Variants in CDH13 observed in about 807,000 individuals in gnomAD.
The protein encoded by CDH13 is cadherin 13, also known as cadherin-13.
A neutral mutation model predicts 63.8 loss-of-function variants in CDH13; 24 were observed. The observed-to-expected ratio is 0.38, with a 90% CI of 0.27 to 0.53. The LOEUF is 0.53. Ranked by LOEUF, CDH13 falls within the 20% of genes least tolerant of loss-of-function variation. The pLI is 0.85. For synonymous variants in CDH13, 503 were observed against 355.3 expected (o/e 1.42, Z -4.67); for missense variants, 1,049 against 903.1 (o/e 1.16, Z -2.07).
At chr16:83,332,713 G>A (rs116487646) in intron 5 of CDH13, among the ~76,000 whole-genome samples, 2,540 of 152,210 alleles carry the variant, frequency 0.017, 67 homozygotes, top group African/African-American at 0.054. Flanking sequence ...TTTTTAGCCT[G>A]TGTCACCTCT....
chr16:82,966,403 TC>T (rs1207692529), intron 2 of CDH13, among the ~76,000 whole-genome samples: 1 of 152,174 alleles, frequency 6.6e-6, no homozygotes, highest in African/African-American at 2.4e-5. Context: ...CACCTCCGCC[TC>T]CCAAAGTGTT....
intron 10 of CDH13, among the ~76,000 whole-genome samples, chr16:83,684,549 A>G (rs1305524495): frequency 1.3e-5 from 2 of 152,208 alleles, no homozygotes; most frequent in African/African-American, 4.8e-5. Flanking sequence ...GGGAGGACTC[A>G]CTTCTTTCTC....
chr16:83,356,977 T>A (rs1325387709), intron 6 of CDH13, among the ~76,000 whole-genome samples: 1 of 152,214 alleles, frequency 6.6e-6, no homozygotes, highest in East Asian at 1.9e-4. Context: ...TGCTCCAGTT[T>A]TCCACTTTTC....
intron 6 of CDH13, among the ~76,000 whole-genome samples, chr16:83,392,785 G>T (rs1395964668): frequency 6.6e-6 from 1 of 152,136 alleles, no homozygotes; most frequent in Non-Finnish European, 1.5e-5. Context: ...AAATTATGCG[G>T]TGCCATCTTT....
intron 5 of CDH13, among the ~76,000 whole-genome samples, chr16:83,250,584 C>T (rs996790588): frequency 2.6e-5 from 4 of 151,878 alleles, no homozygotes; most frequent in Non-Finnish European, 5.9e-5. Context: ...CGCACCCAGT[C>T]GAGGGAACAG....
chr16:83,265,197 T>A (rs1209199813), intron 5 of CDH13, among the ~76,000 whole-genome samples: 1 of 152,210 alleles, frequency 6.6e-6, no homozygotes, highest in East Asian at 1.9e-4. Context: ...AGTTTCTTCC[T>A]CTAAGCCTGC....
At chr16:83,221,279 C>T (rs776196880) in intron 5 of CDH13, among the ~76,000 whole-genome samples, 31 of 152,216 alleles carry the variant, frequency 2.0e-4, no homozygotes, top group South Asian at 4.1e-4. Context: ...CATCCATTTC[C>T]GTGACCCACT....
intron 1 of CDH13, among the ~76,000 whole-genome samples, chr16:82,833,651 A>C (rs2038641509): frequency 6.6e-6 from 1 of 152,178 alleles, no homozygotes; most frequent in African/African-American, 2.4e-5. Flanking sequence ...CCATCTGTCC[A>C]GGTAATAGCC....
intron 7 of CDH13, among the ~76,000 whole-genome samples, chr16:83,588,078 C>T (rs531904117): frequency 6.6e-6 from 1 of 152,266 alleles, no homozygotes; most frequent in Admixed American, 6.5e-5. Flanking sequence ...GAGCCTGGGG[C>T]TGGGACCAGC....
chr16:82,898,123 T>A (rs963033625), intron 2 of CDH13, among the ~76,000 whole-genome samples: 1 of 152,284 alleles, frequency 6.6e-6, no homozygotes, highest in Non-Finnish European at 1.5e-5. Flanking sequence ...TTATACTGAT[T>A]ACATATTAAA....
chr16:83,073,722 C>T (rs199874499), intron 3 of CDH13, among the ~76,000 whole-genome samples: 2 of 151,846 alleles, frequency 1.3e-5, no homozygotes, highest in Non-Finnish European at 2.9e-5. Flanking sequence ...AAGATATGAT[C>T]ATATATTTAA....
At chr16:82,860,199 A>C (rs1402892499) in intron 2 of CDH13, among the ~76,000 whole-genome samples, 1 of 152,078 alleles carries the variant, frequency 6.6e-6, no homozygotes, top group African/African-American at 2.4e-5. Flanking sequence ...AGCGACCCTG[A>C]GTATGGAAAT....
chr16:83,326,239 C>T (rs2090357842), intron 5 of CDH13, among the ~76,000 whole-genome samples: 1 of 152,066 alleles, frequency 6.6e-6, no homozygotes, highest in South Asian at 2.1e-4. Context: ...TTTATTCTTC[C>T]TGGAAATTTC....
At chr16:83,579,083 T>C (rs533491014) in intron 7 of CDH13, among the ~76,000 whole-genome samples, 1 of 152,322 alleles carries the variant, frequency 6.6e-6, no homozygotes, top group Non-Finnish European at 1.5e-5. Context: ...AAAGACAGTG[T>C]TATAAACACA....
intron 2 of CDH13, among the ~76,000 whole-genome samples, chr16:82,985,476 C>A (rs776964487): frequency 3.9e-5 from 6 of 152,150 alleles, no homozygotes; most frequent in Non-Finnish European, 8.8e-5. Flanking sequence ...CAACTGTATT[C>A]ATTAGACATA....
At chr16:82,713,820 A>C (rs1031992846) in intron 1 of CDH13, among the ~76,000 whole-genome samples, 3 of 146,914 alleles carry the variant, frequency 2.0e-5, no homozygotes, top group Non-Finnish European at 3.0e-5. Context: ...AAAAAAACAA[A>C]CAAAAAAAAA....
chr16:82,667,164 A>G (rs1246333715), intron 1 of CDH13, among the ~76,000 whole-genome samples: 1 of 152,156 alleles, frequency 6.6e-6, no homozygotes, highest in Non-Finnish European at 1.5e-5. Context: ...TGGAGCAGGA[A>G]TGCAGCAGTA....
intron 7 of CDH13, among the ~76,000 whole-genome samples, chr16:83,498,842 G>A (rs755590813): frequency 1.4e-4 from 22 of 152,290 alleles, no homozygotes; most frequent in African/African-American, 4.1e-4. Context: ...CTTCAGTGCC[G>A]CATTATCATA....
chr16:83,231,218 A>T (rs377130312), intron 5 of CDH13, among the ~76,000 whole-genome samples: 1 of 152,218 alleles, frequency 6.6e-6, no homozygotes, highest in Non-Finnish European at 1.5e-5. Context: ...TCTATGAAGA[A>T]TTCAGTTTAA....
Sources: allele counts gnomAD v4.1 joint callset (sites outside exome capture counted in the v4.1 genomes callset), GRCh38; gene constraint gnomAD v4.1.1; transcripts MANE v1.5; gene names NCBI Gene and HGNC (gene_info 2026-07-23, HGNC 2026-07-21).